PPIL6: variants seen among roughly 807,000 people sequenced by gnomAD.
PPIL6 encodes the protein probable inactive peptidyl-prolyl cis-trans isomerase-like 6.
In PPIL6, 39 loss-of-function variants were observed where a neutral mutation model predicts 36.8. That is an observed-to-expected ratio of 1.06 (90% CI 0.82 to 1.38). The LOEUF is 1.38. PPIL6 is among the 40% of genes most tolerant of loss of function. The pLI, the probability that PPIL6 is intolerant of heterozygous loss-of-function variation, is 0.00. For synonymous variants in PPIL6, 123 were observed against 134.1 expected (o/e 0.92, Z 0.57); for missense variants, 368 against 379.1 (o/e 0.97, Z 0.24).
rs558710195 is a variant in PPIL6 at position 109,411,067 on chromosome 6, T to A, written c.688+8120A>T. On this transcript the variant is annotated intron_variant, in intron 6 of 7. Transcript: ENST00000521072. ...TCCCAACTCCCTAGGAAGTCACCTT[T>A]TCCCTTAGGAGTAGCTTTCCCTTGT... Among the ~76,000 whole-genome samples, 320 of 152,320 alleles carry A rather than the reference T, an allele frequency of 2.1e-3. 2 individuals carry two copies. Among genetic ancestry groups the A allele is most frequent in the African/African-American group, 7.4e-3 (309 of 41,582 alleles).
At chr6:109,403,165 G>A in intron 6 of PPIL6, 1 of 1,269,046 alleles carries the variant, frequency 7.9e-7, no homozygotes, top group Non-Finnish European at 1.1e-6. Context: ...TTTAGAGAAG[G>A]CATCTTGCTA....
chr6:109,422,156 G>A (rs182242186), intron 5 of PPIL6, among the ~76,000 whole-genome samples: 12 of 152,094 alleles, frequency 7.9e-5, no homozygotes, highest in African/African-American at 2.4e-4. Flanking sequence ...GATTACAAGC[G>A]TGAGCCACCG....
intron 6 of PPIL6, among the ~76,000 whole-genome samples, chr6:109,407,628 A>C (rs533354989): frequency 6.6e-6 from 1 of 152,302 alleles, no homozygotes; most frequent in South Asian, 2.1e-4. Context: ...AAACAAAATG[A>C]TGAAATTTTT....
intron 6 of PPIL6, among the ~76,000 whole-genome samples, chr6:109,412,511 C>A (rs562337184): frequency 1.3e-5 from 2 of 152,260 alleles, no homozygotes; most frequent in African/African-American, 4.8e-5. Context: ...GCTATAGTAA[C>A]CAAAACAGCA....
chr6:109,432,783 C>T (rs1204728806), intron 2 of PPIL6, among the ~76,000 whole-genome samples: 1 of 151,788 alleles, frequency 6.6e-6, no homozygotes, highest in Non-Finnish European at 1.5e-5. Flanking sequence ...CTAACAACCT[C>T]CTAGGAGGTG....
chr6:109,440,876 G>T (rs889870540), upstream of PPIL6: 6 of 538,292 alleles, frequency 1.1e-5, no homozygotes, highest in East Asian at 6.8e-5. Context: ...GAGCCTGGGC[G>T]CCCGGATTTC....
rs199994620 is a variant in PPIL6, at chr6:109,392,800, T to C, written c.*26A>G. 1.6e-6 allele frequency: 2 copies of C among 1,243,476 alleles called. No homozygotes were observed. The highest frequency in any genetic ancestry group is 1.5e-5 in the African/African-American group (1 of 66,242). 77.0% of individuals were successfully genotyped at this position (1,243,476 alleles called of 1,614,324 possible). On this transcript the variant is annotated 3_prime_UTR_variant, in exon 8 of 8. Transcript: ENST00000521072. The stretch of plus-strand genomic sequence containing the variant: ...GCTGATCAGATACAAAGTAATAAAT[T>C]ATCACAGAAAATATTGATATGAAAA...
At chr6:109,409,052 A>G (rs1490480181) in intron 6 of PPIL6, among the ~76,000 whole-genome samples, 1 of 152,254 alleles carries the variant, frequency 6.6e-6, no homozygotes, top group East Asian at 1.9e-4. Flanking sequence ...CTTGAGATGC[A>G]AGGATGGTTC....
In PPIL6 at chr6:109,391,503, C is replaced by T. The variant is rs368545912; in HGVS notation, c.*1323G>A. On this transcript the variant is annotated 3_prime_UTR_variant, in exon 8 of 8. Coordinates refer to ENST00000521072, the MANE Select transcript of PPIL6 (RefSeq NM_173672.5). The stretch of plus-strand genomic sequence containing the variant: ...GTGCCCAGCTGTCTAAATGGGAACC[C>T]TGGGGAAAGAGCTAAATGAACACAG... 2 of 151,962 alleles carry T rather than the reference C, an allele frequency of 1.3e-5. No individual in the cohort carries two copies. The highest frequency in any genetic ancestry group is 4.8e-5 in the African/African-American group (2 of 41,326). The allele number at this position is 151,962 out of a possible 1,614,324, so 9.4% of individuals were successfully genotyped here. A position where few individuals can be genotyped will look rare whatever the true frequency, so the allele number is the denominator to read the frequency against.
chr6:109,407,375 GACT>G (rs1471923743), intron 6 of PPIL6, among the ~76,000 whole-genome samples: 2 of 152,102 alleles, frequency 1.3e-5, no homozygotes, highest in African/African-American at 4.8e-5. Flanking sequence ...GAGTATCTGG[GACT>G]ACAGGCGCCC....
At position 109,401,026 on chromosome 6, in the gene PPIL6, ATTTTTTT is replaced by A. The variant is rs749611966; in HGVS notation, c.689-863_689-857del. Among the ~76,000 whole-genome samples, 502 of 114,924 alleles carry A rather than the reference ATTTTTTT, an allele frequency of 4.4e-3. 1 individual carries two copies. The highest frequency in any genetic ancestry group is 7.6e-3 in the African/African-American group (205 of 26,976). The allele number at this position is 114,924 out of a possible 152,430, so 75.4% of individuals were successfully genotyped here. A position where few individuals can be genotyped will look rare whatever the true frequency, so the allele number is the denominator to read the frequency against. On this transcript the variant is annotated intron_variant, in intron 6 of 7. Coordinates refer to ENST00000521072, the MANE Select transcript of PPIL6 (RefSeq NM_173672.5). ...AGGCGCCCGCCACCATGCCCGGCTAATTTTTTTTTTTTTTTTTTTTTTTGTATTTTTA... is the reference window on the plus strand; with the variant it reads ...AGGCGCCCGCCACCATGCCCGGCTAATTTTTTTTTTTTTTTTGTATTTTTA...
At chr6:109,405,254 T>TC (rs1359040154) in intron 6 of PPIL6, among the ~76,000 whole-genome samples, 3 of 152,114 alleles carry the variant, frequency 2.0e-5, no homozygotes, top group Non-Finnish European at 4.4e-5. Flanking sequence ...AAGGAATCAT[T>TC]CCCCCGACTT....
chr6:109,392,722 C>CGTATCATTAAAA lies in PPIL6; in HGVS notation c.*103_*104insTTTTAATGATAC. 1.5e-6 allele frequency: 1 copy of CGTATCATTAAAA among 681,550 alleles called. No individual in the cohort carries two copies. Among genetic ancestry groups the CGTATCATTAAAA allele is most frequent in the Admixed American group, 2.8e-5 (1 of 36,328 alleles). 42.2% of individuals were successfully genotyped at this position (681,550 alleles called of 1,614,324 possible). On this transcript the variant is annotated 3_prime_UTR_variant, in exon 8 of 8. Coordinates refer to ENST00000521072, the MANE Select transcript of PPIL6 (RefSeq NM_173672.5). ...AGATGAGGCAACCTACAGTGTCTGC[C>CGTATCATTAAAA]ACGGCTTTCAAATTACAATTTATCA...
upstream of PPIL6, chr6:109,440,701 C>T: frequency 1.4e-6 from 1 of 736,384 alleles, no homozygotes; most frequent in Non-Finnish European, 1.7e-6. Flanking sequence ...GGGTCGAGGG[C>T]GGCCCGTGGC....
intron 2 of PPIL6, among the ~76,000 whole-genome samples, chr6:109,434,325 G>A (rs1437861292): frequency 6.6e-6 from 1 of 152,162 alleles, no homozygotes; most frequent in African/African-American, 2.4e-5. Flanking sequence ...GGAGGCCAAG[G>A]TAGGAGGGTT....
Position 109,426,940 on chromosome 6 carries a change from C to G in PPIL6, c.538G>C (p.Gly180Arg), listed in dbSNP as rs757917624. The G allele has an allele frequency of 1.2e-6, 2 of 1,608,062 alleles. No individual in the cohort carries two copies. The highest frequency in any genetic ancestry group is 4.5e-5 in the East Asian group (2 of 44,712). Residue 180 changes from glycine (G) to arginine (R), a missense_variant, in exon 5 of 8, where the codon GGA becomes CGA. Physicochemically the swap from Gly to Arg is moderately radical, Grantham distance 125 (BLOSUM62 -2). Coordinates refer to ENST00000521072, the MANE Select transcript of PPIL6 (RefSeq NM_173672.5). ...CCACGTTGAGAAAACCCTGCTTTTC[C>G]TGTGCACAAGACCTGAAAATTTTTA... ...TCKNFQVLCT[G>R]KAGFSQRGIR...
At chr6:109,432,204 G>A (rs1271746764) in intron 2 of PPIL6, among the ~76,000 whole-genome samples, 1 of 152,150 alleles carries the variant, frequency 6.6e-6, no homozygotes, top group Non-Finnish European at 1.5e-5. Flanking sequence ...AGAGGACTGG[G>A]AAAATGTTTT....
intron 6 of PPIL6, among the ~76,000 whole-genome samples, chr6:109,411,063 C>T (rs937953569): frequency 6.6e-6 from 1 of 152,178 alleles, no homozygotes; most frequent in African/African-American, 2.4e-5. Context: ...TAGGAAGTCA[C>T]CTTTTCCCTT....
In PPIL6 at chr6:109,436,082, CCA is replaced by C; in HGVS notation, c.231+20_231+21del. On this transcript the variant is annotated intron_variant, in intron 2 of 7. Transcript: ENST00000521072. ...AAACTTGGCTTGTTGTCTATATCCC[CCA>C]CACCCCAAATATCCTTTACCCTTTT... The C allele has an allele frequency of 7.6e-7, 1 of 1,317,510 alleles. No homozygotes were observed. Among genetic ancestry groups the C allele is most frequent in the Non-Finnish European group, 1.1e-6 (1 of 912,062 alleles). 81.6% of individuals were successfully genotyped at this position (1,317,510 alleles called of 1,614,324 possible). A position where few individuals can be genotyped will look rare whatever the true frequency, so the allele number is the denominator to read the frequency against.
Sources: gnomAD v4.1 joint callset for allele counts (sites outside exome capture counted in the v4.1 genomes callset) on GRCh38, gnomAD v4.1.1 for gene constraint, MANE v1.5 for transcripts, NCBI Gene and HGNC (gene_info 2026-07-23, HGNC 2026-07-21) for gene names.